ZNF26: variants seen among roughly 807,000 people sequenced by gnomAD.
ZNF26 encodes the protein epididymis luminal protein 179.
ZNF26 carries 32 observed loss-of-function variants against 54.9 expected under a neutral mutation model. That is an observed-to-expected ratio of 0.58 (90% CI 0.44 to 0.78). The LOEUF is 0.78. Among genes scored for constraint, ZNF26 ranks in the 30% least tolerant of loss-of-function variants. The pLI, the probability that ZNF26 is intolerant of heterozygous loss-of-function variation, is 0.00. For missense variants in ZNF26, 524 were observed against 634.0 expected (o/e 0.83, Z 1.86); for synonymous variants, 221 against 209.2 (o/e 1.06, Z -0.49).
rs1383214522 is a variant in ZNF26 at position 133,024,269 on chromosome 12, C to T, written c.*12788C>T. ...GCTTTGGGGATGGTATTAGCAGAGT[C>T]TAAAAGTCATCAAGGAGGTTGCTGG... On this transcript the variant is annotated 3_prime_UTR_variant, in exon 4 of 4. Transcript: ENST00000328654. 1 of 152,110 alleles carries T rather than the reference C, an allele frequency of 6.6e-6. No homozygotes were observed. Among genetic ancestry groups the T allele is most frequent in the Admixed American group, 6.6e-5 (1 of 15,266 alleles). 9.4% of individuals were successfully genotyped at this position (152,110 alleles called of 1,614,324 possible). A position where few individuals can be genotyped will look rare whatever the true frequency, so the allele number is the denominator to read the frequency against.
In ZNF26 at chr12:133,022,028, A is replaced by T. The variant is rs975948818; in HGVS notation, c.*10547A>T. ...GAGGTCAGGAGTTTGAGACCAGTCT[A>T]GCCAACATGGTGATAGCCCCTGTTT... On this transcript the variant is annotated 3_prime_UTR_variant, in exon 4 of 4. Coordinates refer to ENST00000328654, the MANE Select transcript of ZNF26 (RefSeq NM_019591.4). 94 of 152,082 alleles carry T rather than the reference A, an allele frequency of 6.2e-4. No homozygotes were observed. The highest frequency in any genetic ancestry group is 3.4e-3 in the Middle Eastern group (1 of 294). 9.4% of individuals were successfully genotyped at this position (152,082 alleles called of 1,614,324 possible).
At chr12:133,007,009 G>A (rs1194942558) in intron 1 of ZNF26, 33 bp from the exon 2 acceptor site, 1 of 1,612,202 alleles carries the variant, frequency 6.2e-7, no homozygotes, top group Non-Finnish European at 8.5e-7. Flanking sequence ...TAATGTAATT[G>A]CATCCAATTG....
At chr12:133,009,749 T>C (rs1465217953) in intron 3 of ZNF26, among the ~76,000 whole-genome samples, 16 of 152,172 alleles carry the variant, frequency 1.1e-4, no homozygotes, top group African/African-American at 3.6e-4. Flanking sequence ...AGGAACTTTG[T>C]ACTTGGTGTA....
rs1953501414 is a variant in ZNF26 at position 133,012,578 on chromosome 12, G to GCTTT, written c.*1097_*1098insCTTT. 2.7e-5 allele frequency: 1 copy of GCTTT among 37,652 alleles called. No homozygotes were observed. Among genetic ancestry groups the GCTTT allele is most frequent in the African/African-American group, 1.1e-4 (1 of 9,476 alleles). The allele number at this position is 37,652 out of a possible 1,614,324, so 2.3% of individuals were successfully genotyped here. Reference sequence around the variant, plus strand: ...ATGTCTTTTGCTTTTTGTTGTTTGGGTTTTTTTTTTTTTTTTTTTTTTTTT... The same window carrying GCTTT: ...ATGTCTTTTGCTTTTTGTTGTTTGGGCTTTTTTTTTTTTTTTTTTTTTTTTTTTT... On this transcript the variant is annotated 3_prime_UTR_variant, in exon 4 of 4. Coordinates refer to ENST00000328654, the MANE Select transcript of ZNF26 (RefSeq NM_019591.4).
intron 1 of ZNF26, among the ~76,000 whole-genome samples, chr12:132,995,595 GT>G (rs1953062633): frequency 6.6e-6 from 1 of 151,980 alleles, no homozygotes; most frequent in Non-Finnish European, 1.5e-5. Context: ...ATGTCTCAAA[GT>G]TTTTAATTTT....
In ZNF26 at chr12:132,998,852, G is replaced by A. The variant is rs1953148345; in HGVS notation, c.34-8190G>A. On this transcript the variant is annotated intron_variant, in intron 1 of 3. Transcript: ENST00000328654. ...GAAAACAGATTCTTGCTGAACTTAT[G>A]CAAATAACTCTATTGCCATAAAATC... Among the ~76,000 whole-genome samples, 5 of 152,282 alleles carry A rather than the reference G, an allele frequency of 3.3e-5. No homozygotes were observed. In the South Asian group the frequency reaches 1.0e-3, roughly 32 times the overall value.
intron 1 of ZNF26, among the ~76,000 whole-genome samples, chr12:132,996,363 A>C (rs1953083800): frequency 6.6e-6 from 1 of 152,200 alleles, no homozygotes; most frequent in Admixed American, 6.5e-5. Context: ...ACAGCCAGCA[A>C]TTTTAGCTCA....
Position 133,011,295 on chromosome 12 carries a change from C to T in ZNF26, c.1416C>T (p.His472=), listed in dbSNP as rs116649458. 5.5e-4 allele frequency: 882 copies of T among 1,613,886 alleles called. 3 individuals carry two copies. In the African/African-American group the frequency reaches 0.01, roughly 18 times the overall value. The change falls in exon 4 of 4, where the codon CAC becomes CAT. Residue 472 remains histidine, a synonymous_variant. Coordinates refer to ENST00000328654, the MANE Select transcript of ZNF26 (RefSeq NM_019591.4). The part of the protein sequence containing the change: ...AYPRKASLQI[H]QKTHSGEKPF... ...CTAGGAAGGCATCACTTCAGATACACCAGAAAACTCATTCGGGAGAGAAAC... is the reference window on the plus strand; with the variant it reads ...CTAGGAAGGCATCACTTCAGATACATCAGAAAACTCATTCGGGAGAGAAAC...
chr12:133,011,319 A>C lies in ZNF26; in HGVS notation c.1440A>C (p.Lys480Asn). 2 of 1,613,976 alleles carry C rather than the reference A, an allele frequency of 1.2e-6. No homozygotes were observed. Among genetic ancestry groups the C allele is most frequent in the Non-Finnish European group, 1.7e-6 (2 of 1,179,992 alleles). ...QIHQKTHSGE[K>N]PFKCSECGKA... ...ACCAGAAAACTCATTCGGGAGAGAA[A>C]CCTTTTAAATGCAGTGAATGTGGAA... Residue 480 changes from lysine (K) to asparagine (N), a missense_variant, in exon 4 of 4, where the codon AAA (lysine) becomes AAC (asparagine). Coordinates refer to ENST00000328654, the MANE Select transcript of ZNF26 (RefSeq NM_019591.4).
intron 1 of ZNF26, among the ~76,000 whole-genome samples, chr12:132,988,112 G>T (rs1161180535): frequency 6.6e-6 from 1 of 152,154 alleles, no homozygotes; most frequent in Non-Finnish European, 1.5e-5. Flanking sequence ...GGGTTCGAGC[G>T]ATTCTTGAGC....
intron 1 of ZNF26, chr12:132,987,683 G>A: frequency 1.0e-6 from 1 of 985,082 alleles, no homozygotes; most frequent in Non-Finnish European, 1.2e-6. Flanking sequence ...TCACATGGGA[G>A]GTCTAAACTG....
Position 133,025,567 on chromosome 12 carries a change from A to G in ZNF26, c.*14086A>G, listed in dbSNP as rs1028142333. On this transcript the variant is annotated 3_prime_UTR_variant, in exon 4 of 4. Coordinates refer to ENST00000328654, the MANE Select transcript of ZNF26 (RefSeq NM_019591.4). Reference sequence around the variant, plus strand: ...TTCTCTTCCACAGTGTGCCTGCTATATATTTCTCCCATGAGAGTTGAGGTC... The same window carrying G: ...TTCTCTTCCACAGTGTGCCTGCTATGTATTTCTCCCATGAGAGTTGAGGTC... 19 of 152,264 alleles carry G rather than the reference A, an allele frequency of 1.2e-4. No homozygotes were observed. Among genetic ancestry groups the G allele is most frequent in the African/African-American group, 4.3e-4 (18 of 41,540 alleles). The allele number at this position is 152,264 out of a possible 1,614,324, so 9.4% of individuals were successfully genotyped here. A position where few individuals can be genotyped will look rare whatever the true frequency, so the allele number is the denominator to read the frequency against.
intron 1 of ZNF26, chr12:132,995,253 C>A: frequency 6.5e-6 from 1 of 152,700 alleles, no homozygotes; most frequent in South Asian, 1.8e-4. Flanking sequence ...GCAGTATTGC[C>A]CTCACCATGC....
At position 132,999,631 on chromosome 12, in the gene ZNF26, A is replaced by C. The variant is rs1239532529; in HGVS notation, c.34-7411A>C. Among the ~76,000 whole-genome samples the C allele has an allele frequency of 3.3e-5, 5 of 152,256 alleles. No individual in the cohort carries two copies. The East Asian group carries it at 9.7e-4, about 29-fold the overall frequency. On this transcript the variant is annotated intron_variant, in intron 1 of 3. Transcript: ENST00000328654. Reference sequence around the variant, plus strand: ...TTTTCTATAGGTTTAAGGAAGAAACACTTTATTGTGTCAAGGAAATTCCTT... The same window carrying C: ...TTTTCTATAGGTTTAAGGAAGAAACCCTTTATTGTGTCAAGGAAATTCCTT...
chr12:133,013,287 TTTCTTA>T lies in ZNF26; in HGVS notation c.*1807_*1812del, dbSNP rs1953520119. On this transcript the variant is annotated 3_prime_UTR_variant, in exon 4 of 4. Transcript: ENST00000328654. Reference sequence around the variant, plus strand: ...GGCAACTTTGACATTGCTGAAAAAGTTTCTTACAGCTGTAGGAGTGAGGTGGTGGGA... The same window carrying T: ...GGCAACTTTGACATTGCTGAAAAAGTCAGCTGTAGGAGTGAGGTGGTGGGA... The T allele has an allele frequency of 3.3e-5, 5 of 152,210 alleles. No homozygotes were observed. Among genetic ancestry groups the T allele is most frequent in the Admixed American group, 6.5e-5 (1 of 15,282 alleles). 9.4% of individuals were successfully genotyped at this position (152,210 alleles called of 1,614,324 possible). A position where few individuals can be genotyped will look rare whatever the true frequency, so the allele number is the denominator to read the frequency against.
rs1952820511 is a variant in ZNF26 at position 132,986,484 on chromosome 12, C to T, written c.-357C>T. 1 of 295,800 alleles carries T rather than the reference C, an allele frequency of 3.4e-6. No homozygotes were observed. Among genetic ancestry groups the T allele is most frequent in the Non-Finnish European group, 6.4e-6 (1 of 155,256 alleles). 18.3% of individuals were successfully genotyped at this position (295,800 alleles called of 1,614,324 possible). On this transcript the variant is annotated 5_prime_UTR_variant, in exon 1 of 4. Transcript: ENST00000328654. ...TCTCTGTGGCCGCGGAGGCGCGGAG[C>T]TAAGCGGCTCGGATTATCCTGGGCA... is the stretch of plus-strand genomic sequence containing the variant.
intron 1 of ZNF26, chr12:132,995,259 C>A: frequency 6.5e-6 from 1 of 152,736 alleles, no homozygotes; most frequent in South Asian, 1.8e-4. Flanking sequence ...TTGCCCTCAC[C>A]ATGCGCTCAC....
rs1953218652 is a variant in ZNF26 at position 133,001,528 on chromosome 12, T to A, written c.34-5514T>A. 1 of 557,026 alleles carries A rather than the reference T, an allele frequency of 1.8e-6. No individual in the cohort carries two copies. Among genetic ancestry groups the A allele is most frequent in the African/African-American group, 2.0e-5 (1 of 51,066 alleles). The allele number at this position is 557,026 out of a possible 1,614,324, so 34.5% of individuals were successfully genotyped here. On this transcript the variant is annotated intron_variant, in intron 1 of 3. Transcript: ENST00000328654. The surrounding 1 kb of genome is among the most constrained non-coding windows in gnomAD (Gnocchi z 4.7). ...GCTTGGTTGGAGCCTCTGACAGGGC[T>A]CTGCCCTGCAGTTCCATGGTGTATG...
Position 133,015,985 on chromosome 12 carries a change from G to A in ZNF26, c.*4504G>A, listed in dbSNP as rs1294891362. ...TCCATATATCTTCATTTGTCTTGGGGGTAAGTGTTGAGAGAAGGAAGTGGC... is the reference window on the plus strand; with the variant it reads ...TCCATATATCTTCATTTGTCTTGGGAGTAAGTGTTGAGAGAAGGAAGTGGC... On this transcript the variant is annotated 3_prime_UTR_variant, in exon 4 of 4. Coordinates refer to ENST00000328654, the MANE Select transcript of ZNF26 (RefSeq NM_019591.4). 1 of 152,092 alleles carries A rather than the reference G, an allele frequency of 6.6e-6. No individual in the cohort carries two copies. Among genetic ancestry groups the A allele is most frequent in the South Asian group, 2.1e-4 (1 of 4,826 alleles). 9.4% of individuals were successfully genotyped at this position (152,092 alleles called of 1,614,324 possible). A position where few individuals can be genotyped will look rare whatever the true frequency, so the allele number is the denominator to read the frequency against.
Sources: allele counts gnomAD v4.1 joint callset (sites outside exome capture counted in the v4.1 genomes callset), GRCh38; gene constraint gnomAD v4.1.1; non-coding constraint Gnocchi (gnomAD v3.1); transcripts MANE v1.5; gene names NCBI Gene and HGNC (gene_info 2026-07-23, HGNC 2026-07-21).